Variants in FOCAD observed in about 807,000 individuals in gnomAD.
FOCAD encodes the protein KIAA1797.
FOCAD carries 198 observed loss-of-function variants against 225.6 expected under a neutral mutation model. That is an observed-to-expected ratio of 0.88 (90% CI 0.78 to 0.99). FOCAD has a LOEUF of 0.99. Ranked by LOEUF, FOCAD falls within the 50% of genes least tolerant of loss-of-function variation. FOCAD has a pLI of 0.00. For synonymous variants in FOCAD, 897 were observed against 755.0 expected (o/e 1.19, Z -3.08); for missense variants, 2,713 against 2,123.6 (o/e 1.28, Z -5.46).
At chr9:20,748,651 A>T (rs767512122) in intron 5 of FOCAD, among the ~76,000 whole-genome samples, 1 of 152,130 alleles carries the variant, frequency 6.6e-6, no homozygotes, top group Non-Finnish European at 1.5e-5. Flanking sequence ...TTGAGAAAAC[A>T]TAGCTAGTAA....
chr9:20,922,712 A>C (rs923481352), intron 24 of FOCAD, among the ~76,000 whole-genome samples: 8 of 152,114 alleles, frequency 5.3e-5, no homozygotes, highest in African/African-American at 1.4e-4. Flanking sequence ...TTGAAGTCCA[A>C]ATTTTGGGGA....
chr9:20,806,498 C>T lies in FOCAD; in HGVS notation c.1456-13298C>T, dbSNP rs374624893. Among the ~76,000 whole-genome samples, 7 of 152,176 alleles carry T rather than the reference C, an allele frequency of 4.6e-5. No individual in the cohort carries two copies. In the East Asian group the frequency reaches 1.4e-3, roughly 29 times the overall value. ...TTCTAGGCAGTAGCCATAAGACAAG[C>T]TACAGAACAAGAATTAAAACTTGAT... is the stretch of plus-strand genomic sequence containing the variant. On this transcript the variant is annotated intron_variant, in intron 11 of 43. Transcript: ENST00000338382.
intron 35 of FOCAD, among the ~76,000 whole-genome samples, chr9:20,971,973 G>A (rs1016453712): frequency 6.6e-6 from 1 of 151,932 alleles, no homozygotes. Context: ...TGTATATACT[G>A]CATTTTGTTT....
At chr9:20,857,315 T>G (rs1264733366) in intron 15 of FOCAD, among the ~76,000 whole-genome samples, 1 of 151,980 alleles carries the variant, frequency 6.6e-6, no homozygotes, top group Non-Finnish European at 1.5e-5. Context: ...TCTCATTTCT[T>G]TGGTTAAGTT....
In FOCAD at chr9:20,839,263, T is replaced by TC. The variant is rs1243512635; in HGVS notation, c.1920+16148_1920+16149insC. Among the ~76,000 whole-genome samples, 5 of 149,952 alleles carry TC rather than the reference T, an allele frequency of 3.3e-5. No individual in the cohort carries two copies. The Admixed American group carries it at 3.3e-4, about 10-fold the overall frequency. Reference sequence around the variant, plus strand: ...CTTTATGGAATTTCTTTCTTTCTTTTTTTTTTTTTTTTTGAGACTAGGTTT... The same window carrying TC: ...CTTTATGGAATTTCTTTCTTTCTTTTCTTTTTTTTTTTTTGAGACTAGGTTT... On this transcript the variant is annotated intron_variant, in intron 15 of 43. Transcript: ENST00000338382.
At chr9:20,932,944 A>G (rs1386266123) in intron 27 of FOCAD, 70 bp from the exon 28 acceptor site, 2 of 1,096,380 alleles carry the variant, frequency 1.8e-6, no homozygotes, top group Non-Finnish European at 1.4e-6. Context: ...AGAGTATAAT[A>G]TTGTATTCAG....
intron 18 of FOCAD, among the ~76,000 whole-genome samples, chr9:20,870,045 G>GA (rs1457008345): frequency 1.3e-5 from 2 of 152,116 alleles, no homozygotes; most frequent in African/African-American, 4.8e-5. Context: ...AAACTATGGA[G>GA]AAGTTTCCTT....
rs778598406 is a variant in FOCAD, at chr9:20,978,470, G to A, written c.4377+16G>A. The A allele has an allele frequency of 5.2e-6, 8 of 1,529,510 alleles. No individual in the cohort carries two copies. The highest frequency in any genetic ancestry group is 7.2e-6 in the Non-Finnish European group (8 of 1,117,148). 94.7% of individuals were successfully genotyped at this position (1,529,510 alleles called of 1,614,324 possible). On this transcript the variant is annotated intron_variant, in intron 37 of 43. Coordinates refer to ENST00000338382, the MANE Select transcript of FOCAD (RefSeq NM_001375567.1). ...CAGTCTGAGTGTATGTAGTAACTAA[G>A]GGTGTTGGCCAACAGGAGGATATTG... is the stretch of plus-strand genomic sequence containing the variant.
At chr9:20,750,749 G>A (rs774244062) in intron 5 of FOCAD, among the ~76,000 whole-genome samples, 1 of 152,042 alleles carries the variant, frequency 6.6e-6, no homozygotes, top group Admixed American at 6.6e-5. Context: ...AAAAATATAG[G>A]GTGATTTATC....
chr9:20,978,227 C>A (rs1206982088), intron 36 of FOCAD, 112 bp from the exon 37 acceptor site: 3 of 606,244 alleles, frequency 4.9e-6, no homozygotes, highest in African/African-American at 3.8e-5. Context: ...TACTGAAGTT[C>A]TGTTACCTGC....
In FOCAD at chr9:20,866,917, T is replaced by TTTTTTAAAAAAAAA; in HGVS notation, c.2107-12_2107-11insTTTTTAAAAAAAAA. The TTTTTTAAAAAAAAA allele has an allele frequency of 5.2e-6, 4 of 764,972 alleles. No individual in the cohort carries two copies. The highest frequency in any genetic ancestry group is 8.0e-6 in the Non-Finnish European group (4 of 498,468). The allele number at this position is 764,972 out of a possible 1,614,324, so 47.4% of individuals were successfully genotyped here. ...TTTTTTTTTTTTTTTTTTTTTTTTT[T>TTTTTTAAAAAAAAA]ACCCTATCTAGGACCCAATTGTAGC... On this transcript the variant is annotated splice_polypyrimidine_tract_variant and intron_variant, in intron 17 of 43. Coordinates refer to ENST00000338382, the MANE Select transcript of FOCAD (RefSeq NM_001375567.1).
In FOCAD at chr9:20,917,077, C is replaced by T. The variant is rs116101163; in HGVS notation, c.2852+140C>T. Reference sequence around the variant, plus strand: ...TCAATTATTTTTTTAAAAAATTAATCGTTACCCTTCTTATAGTAGGTGAAT... The same window carrying T: ...TCAATTATTTTTTTAAAAAATTAATTGTTACCCTTCTTATAGTAGGTGAAT... On this transcript the variant is annotated intron_variant, in intron 24 of 43. Coordinates refer to ENST00000338382, the MANE Select transcript of FOCAD (RefSeq NM_001375567.1). The T allele has an allele frequency of 6.8e-3, 4,331 of 635,574 alleles. 126 individuals carry two copies. The highest frequency in any genetic ancestry group is 0.067 in the African/African-American group (3,542 of 53,260). The allele number at this position is 635,574 out of a possible 1,614,324, so 39.4% of individuals were successfully genotyped here.
At chr9:20,985,323 G>T (rs1045256857) in intron 39 of FOCAD, among the ~76,000 whole-genome samples, 5 of 152,154 alleles carry the variant, frequency 3.3e-5, no homozygotes, top group Non-Finnish European at 5.9e-5. Flanking sequence ...TAATCGTATT[G>T]TTAATAGCAC....
chr9:20,656,428 C>T (rs1021316906), upstream of FOCAD, among the ~76,000 whole-genome samples: 2 of 152,092 alleles, frequency 1.3e-5, no homozygotes, highest in Non-Finnish European at 2.9e-5. Flanking sequence ...CTTTGTAGGT[C>T]ACTCAGGACT....
At chr9:20,937,740 A>G (rs1836146984) in intron 28 of FOCAD, among the ~76,000 whole-genome samples, 1 of 151,734 alleles carries the variant, frequency 6.6e-6, no homozygotes, top group Admixed American at 6.6e-5. Flanking sequence ...GGATCTAATT[A>G]AACTAAAGAG....
chr9:20,879,002 A>T (rs1235781173), intron 19 of FOCAD, among the ~76,000 whole-genome samples: 1 of 152,106 alleles, frequency 6.6e-6, no homozygotes, highest in Non-Finnish European at 1.5e-5. Context: ...GGACAATTGG[A>T]TGGTGCCCAT....
chr9:20,790,676 C>T (rs981345469), intron 11 of FOCAD, among the ~76,000 whole-genome samples: 1 of 152,074 alleles, frequency 6.6e-6, no homozygotes, highest in African/African-American at 2.4e-5. Context: ...GAGGCTGAGG[C>T]AAGAGAATTA....
chr9:20,893,108 C>G (rs1386145258), intron 21 of FOCAD, among the ~76,000 whole-genome samples: 1 of 152,110 alleles, frequency 6.6e-6, no homozygotes, highest in Non-Finnish European at 1.5e-5. Flanking sequence ...ACACTACAGC[C>G]TCCAACTCCT....
At chr9:20,661,345 T>G (rs1821715049) in intron 2 of FOCAD, among the ~76,000 whole-genome samples, 1 of 152,142 alleles carries the variant, frequency 6.6e-6, no homozygotes, top group Non-Finnish European at 1.5e-5. Flanking sequence ...ATGTGCTGAG[T>G]TCTGTAGGAG....
Sources: allele counts gnomAD v4.1 joint callset (sites outside exome capture counted in the v4.1 genomes callset), GRCh38; gene constraint gnomAD v4.1.1; transcripts MANE v1.5; gene names NCBI Gene and HGNC (gene_info 2026-07-23, HGNC 2026-07-21).